The following SPATA17 variants were observed in gnomAD, a reference collection of about 807,000 sequenced individuals.
SPATA17 encodes spermatogenesis-associated protein 17.
SPATA17 carries 53 observed loss-of-function variants against 62.2 expected under a neutral mutation model. The ratio of observed to expected loss-of-function variants is 0.85; its 90% CI spans 0.68 to 1.07. The LOEUF is 1.07. Among genes scored for constraint, SPATA17 ranks in the 50% least tolerant of loss-of-function variants. The pLI is 0.00. For missense variants in SPATA17, 466 were observed against 425.5 expected (o/e 1.10, Z -0.84); for synonymous variants, 146 against 146.8 (o/e 0.99, Z 0.04).
chr1:217,788,473 G>C (rs61825817), intron 8 of SPATA17, among the ~76,000 whole-genome samples: 4,766 of 152,172 alleles, frequency 0.031, 107 homozygotes, highest in Middle Eastern at 0.058. Flanking sequence ...GATTAAATTA[G>C]GGACTTTTAG....
At chr1:217,729,552 A>G (rs1467015743) in intron 5 of SPATA17, among the ~76,000 whole-genome samples, 1 of 152,222 alleles carries the variant, frequency 6.6e-6, no homozygotes, top group Non-Finnish European at 1.5e-5. Flanking sequence ...CAAGAAACAA[A>G]TTAGTCTGTA....
At chr1:217,709,175 A>T (rs1308135548) in intron 5 of SPATA17, among the ~76,000 whole-genome samples, 1 of 152,176 alleles carries the variant, frequency 6.6e-6, no homozygotes, top group Non-Finnish European at 1.5e-5. Flanking sequence ...AGTGAAAATC[A>T]CTGGGATCAG....
chr1:217,820,380 A>T (rs1286125056), intron 9 of SPATA17, among the ~76,000 whole-genome samples: 9 of 152,082 alleles, frequency 5.9e-5, no homozygotes, highest in Non-Finnish European at 2.9e-5. Context: ...AGTCCAAATT[A>T]TATTTAATGT....
chr1:217,843,218 C>A (rs1966075), intron 9 of SPATA17, among the ~76,000 whole-genome samples: 152,033 of 152,238 alleles, frequency 1, 75,916 homozygotes, highest in East Asian at 1. Context: ...CCATTTCCAG[C>A]GGTTTGCTAA....
At chr1:217,830,262 G>A (rs12759211) in intron 9 of SPATA17, among the ~76,000 whole-genome samples, 44,486 of 151,966 alleles carry the variant, frequency 0.29, 7,737 homozygotes, top group Non-Finnish European at 0.38. Flanking sequence ...AAGTTGGTGT[G>A]TAATATTTTT....
intron 5 of SPATA17, among the ~76,000 whole-genome samples, chr1:217,712,133 G>GT (rs1323641633): frequency 1.7e-3 from 232 of 139,548 alleles, no homozygotes; most frequent in South Asian, 2.9e-3. Context: ...ATGTTCTTTT[G>GT]TTTTTTTTTT....
chr1:217,772,760 G>A lies in SPATA17; in HGVS notation c.520-1574G>A, dbSNP rs544394746. ...GCCATGTACCCTGCTAGGCCCTGGGGTTGCAAAAATACCTGGAACAGACTC... is the reference window on the plus strand; with the variant it reads ...GCCATGTACCCTGCTAGGCCCTGGGATTGCAAAAATACCTGGAACAGACTC... On this transcript the variant is annotated intron_variant, in intron 6 of 10. Transcript: ENST00000366933. 5.9e-5 allele frequency among the ~76,000 whole-genome samples: 9 copies of A among 152,296 alleles called. No homozygotes were observed. The South Asian group carries it at 1.9e-3, about 32-fold the overall frequency.
At chr1:217,806,450 C>T (rs1335156565) in intron 9 of SPATA17, among the ~76,000 whole-genome samples, 4 of 152,200 alleles carry the variant, frequency 2.6e-5, no homozygotes, top group South Asian at 4.1e-4. Context: ...CCAGTGATCT[C>T]TGAATCCCCT....
chr1:217,826,095 A>G (rs1037211403), intron 9 of SPATA17, among the ~76,000 whole-genome samples: 2 of 152,120 alleles, frequency 1.3e-5, no homozygotes, highest in Admixed American at 6.6e-5. Context: ...TTAACAAGAC[A>G]TCTATTTTAC....
chr1:217,697,397 AG>A (rs1330152822), intron 5 of SPATA17, among the ~76,000 whole-genome samples: 9 of 152,378 alleles, frequency 5.9e-5, no homozygotes, highest in African/African-American at 1.9e-4. Flanking sequence ...ATTGTATTAC[AG>A]CAAGAAGATT....
At chr1:217,834,995 G>A (rs28545580) in intron 9 of SPATA17, among the ~76,000 whole-genome samples, 35,016 of 151,950 alleles carry the variant, frequency 0.23, 4,607 homozygotes, top group African/African-American at 0.35. Flanking sequence ...TACAGTATTC[G>A]GTACAGGAAC....
chr1:217,801,914 G>C lies in SPATA17; in HGVS notation c.1005+64G>C, dbSNP rs979869257. On this transcript the variant is annotated intron_variant, in intron 9 of 10. Transcript: ENST00000366933. Reference sequence around the variant, plus strand: ...AAAAGCTAGAAATATACATTAATTAGAGCAAATATAAATATTCTTATTACA... The same window carrying C: ...AAAAGCTAGAAATATACATTAATTACAGCAAATATAAATATTCTTATTACA... The C allele has an allele frequency of 5.6e-6, 8 of 1,423,436 alleles. No homozygotes were observed. The African/African-American group carries it at 1.2e-4, about 21-fold the overall frequency. The allele number at this position is 1,423,436 out of a possible 1,614,324, so 88.2% of individuals were successfully genotyped here.
intron 5 of SPATA17, among the ~76,000 whole-genome samples, chr1:217,720,670 T>G (rs1246651201): frequency 6.6e-6 from 1 of 152,118 alleles, no homozygotes; most frequent in Non-Finnish European, 1.5e-5. Context: ...GGCTAAGACT[T>G]TTACACATAA....
At chr1:217,633,033 C>T (rs1242722532) in intron 1 of SPATA17, among the ~76,000 whole-genome samples, 2 of 151,942 alleles carry the variant, frequency 1.3e-5, no homozygotes, top group African/African-American at 2.4e-5. Flanking sequence ...CCCTGTCTCT[C>T]CTAAAATTAC....
chr1:217,763,033 T>A (rs1673210934), intron 6 of SPATA17, among the ~76,000 whole-genome samples: 1 of 152,174 alleles, frequency 6.6e-6, no homozygotes. Context: ...CTTCAAAGAT[T>A]CTGAATGAGT....
At chr1:217,681,094 G>A (rs1571726813) in intron 4 of SPATA17, among the ~76,000 whole-genome samples, 1 of 151,572 alleles carries the variant, frequency 6.6e-6, no homozygotes, top group East Asian at 2.0e-4. Context: ...GGCTGTGGTG[G>A]CATGTGTCTG....
At chr1:217,736,455 G>A (rs1461509729) in intron 5 of SPATA17, among the ~76,000 whole-genome samples, 7 of 152,090 alleles carry the variant, frequency 4.6e-5, no homozygotes, top group African/African-American at 1.7e-4. Context: ...TAAGTTATAC[G>A]GAAGAAAAAC....
At chr1:217,839,555 G>A (rs1244481126) in intron 9 of SPATA17, among the ~76,000 whole-genome samples, 2 of 151,984 alleles carry the variant, frequency 1.3e-5, no homozygotes, top group African/African-American at 2.4e-5. Context: ...TCTCGGGACA[G>A]GACTTGCAAA....
chr1:217,669,047 T>C lies in SPATA17; in HGVS notation c.255T>C (p.Thr85=), dbSNP rs150893907. 3.4e-5 allele frequency: 54 copies of C among 1,611,882 alleles called. No homozygotes were observed. The African/African-American group carries it at 5.6e-4, about 17-fold the overall frequency. ...TTGATTCACAGGTAGCATATTATAC[T>C]ATGATGATGAATCTCTACAATGCAA... ...YQLTVQVAYY[T]MMMNLYNAMA... Residue 85 remains threonine, a synonymous_variant, in exon 4 of 11, where the codon ACT becomes ACC. Transcript: ENST00000366933.
Sources: allele counts gnomAD v4.1 joint callset (sites outside exome capture counted in the v4.1 genomes callset), GRCh38; gene constraint gnomAD v4.1.1; transcripts MANE v1.5; gene names NCBI Gene and HGNC (gene_info 2026-07-23, HGNC 2026-07-21).